Variants in PLVAP observed in about 807,000 individuals in gnomAD.
PLVAP encodes the protein plasmalemma vesicle-associated protein.
PLVAP carries 34 observed loss-of-function variants against 43.1 expected under a neutral mutation model. The observed-to-expected ratio is 0.79, with a 90% CI of 0.60 to 1.05. PLVAP has a LOEUF of 1.05. PLVAP is among the 50% of genes least tolerant of loss of function. The pLI, the probability that PLVAP is intolerant of heterozygous loss-of-function variation, is 0.00. For missense variants in PLVAP, 574 were observed against 593.4 expected (o/e 0.97, Z 0.34); for synonymous variants, 241 against 237.3 (o/e 1.02, Z -0.14).
chr19:17,356,913 C>T (rs928410617), intron 5 of PLVAP, among the ~76,000 whole-genome samples: 1 of 150,862 alleles, frequency 6.6e-6, no homozygotes, highest in Admixed American at 6.6e-5. Flanking sequence ...GAGCTGAGAT[C>T]GGGCCATTGC....
intron 3 of PLVAP, chr19:17,362,746 A>G (rs1476743441): frequency 6.6e-6 from 1 of 152,190 alleles, no homozygotes; most frequent in Non-Finnish European, 1.5e-5. Flanking sequence ...TTTTCTCACC[A>G]TCCAAATTCC....
At chr19:17,367,105 G>T (rs73016437) in intron 1 of PLVAP, among the ~76,000 whole-genome samples, 5,902 of 151,630 alleles carry the variant, frequency 0.039, 165 homozygotes, top group Non-Finnish European at 0.06. Flanking sequence ...ACCACTCCTG[G>T]CCAATTTTTT....
chr19:17,361,786 C>T (rs1218113859), intron 3 of PLVAP, among the ~76,000 whole-genome samples: 2 of 152,102 alleles, frequency 1.3e-5, no homozygotes, highest in Admixed American at 1.3e-4. Flanking sequence ...ATACCCGTTT[C>T]GGGCCAGGCG....
At chr19:17,374,966 A>G (rs928636927) in intron 1 of PLVAP, among the ~76,000 whole-genome samples, 1 of 151,996 alleles carries the variant, frequency 6.6e-6, no homozygotes, top group Non-Finnish European at 1.5e-5. Flanking sequence ...CTACAGGCAC[A>G]TACCACCATA....
At chr19:17,356,107 G>A (rs2074505602) in intron 5 of PLVAP, among the ~76,000 whole-genome samples, 3 of 152,082 alleles carry the variant, frequency 2.0e-5, no homozygotes, top group South Asian at 4.1e-4. Context: ...TCAGGAGTTC[G>A]AGACCAGCCT....
At chr19:17,353,555 G>T (rs1338299164) in intron 5 of PLVAP, among the ~76,000 whole-genome samples, 2 of 152,000 alleles carry the variant, frequency 1.3e-5, no homozygotes, top group Non-Finnish European at 2.9e-5. Context: ...AAACACACAA[G>T]GCACGGTCCC....
chr19:17,368,510 C>A (rs2145724571), intron 1 of PLVAP, among the ~76,000 whole-genome samples: 1 of 152,152 alleles, frequency 6.6e-6, no homozygotes, highest in South Asian at 2.1e-4. Context: ...CCTCTCCTGG[C>A]AGAAGTAGGG....
At chr19:17,366,478 T>C (rs2074550614) in intron 1 of PLVAP, among the ~76,000 whole-genome samples, 1 of 152,020 alleles carries the variant, frequency 6.6e-6, no homozygotes, top group African/African-American at 2.4e-5. Flanking sequence ...CAAAAATAAA[T>C]AAACAAAAAT....
intron 3 of PLVAP, among the ~76,000 whole-genome samples, chr19:17,361,687 A>C (rs1419610693): frequency 6.6e-6 from 1 of 152,172 alleles, no homozygotes; most frequent in African/African-American, 2.4e-5. Context: ...GCCTCAGCCT[A>C]AACCCAGTCC....
chr19:17,372,958 C>T (rs546487923), intron 1 of PLVAP, among the ~76,000 whole-genome samples: 182 of 143,062 alleles, frequency 1.3e-3, no homozygotes, highest in African/African-American at 4.6e-3. Flanking sequence ...CCCAGCTACT[C>T]GGGAGGCTAA....
In PLVAP at chr19:17,365,942, C is replaced by G; in HGVS notation, c.523G>C (p.Glu175Gln). The G allele has an allele frequency of 6.2e-7, 1 of 1,614,016 alleles. No individual in the cohort carries two copies. Among genetic ancestry groups the G allele is most frequent in the Non-Finnish European group, 8.5e-7 (1 of 1,180,008 alleles). ...TTATCCTTAGTGCAAATGGTCTTCT[C>G]CTTGGCTATCTCCACCTCCAGCGTC... The part of the protein sequence containing the change: ...VKTLEVEIAK[E>Q]KTICTKDKES... The change falls in exon 3 of 6, where the codon GAG becomes CAG. Residue 175 changes from glutamate to glutamine, a missense_variant. Coordinates refer to ENST00000252590, the MANE Select transcript of PLVAP (RefSeq NM_031310.3).
At chr19:17,370,652 G>C (rs1056920872) in intron 1 of PLVAP, among the ~76,000 whole-genome samples, 1 of 152,178 alleles carries the variant, frequency 6.6e-6, no homozygotes, top group Non-Finnish European at 1.5e-5. Flanking sequence ...GGAATGGGAA[G>C]TGACTGCTGA....
intron 5 of PLVAP, among the ~76,000 whole-genome samples, chr19:17,355,263 A>ATAATAATAAT (rs1457064966): frequency 7.0e-6 from 1 of 142,320 alleles, no homozygotes; most frequent in Non-Finnish European, 1.5e-5. Flanking sequence ...AATAATAATA[A>ATAATAATAAT]AATAAATAAT....
chr19:17,370,442 G>T (rs1599578145), intron 1 of PLVAP, among the ~76,000 whole-genome samples: 1 of 152,148 alleles, frequency 6.6e-6, no homozygotes, highest in South Asian at 2.1e-4. Context: ...TCCATACATA[G>T]AACATGATTC....
At chr19:17,358,369 A>G (rs551239065) in intron 5 of PLVAP, among the ~76,000 whole-genome samples, 37 of 152,138 alleles carry the variant, frequency 2.4e-4, no homozygotes, top group African/African-American at 7.2e-4. Flanking sequence ...CAGAAATCCC[A>G]TATTAGCCCT....
Position 17,360,802 on chromosome 19 carries a change from T to G in PLVAP, c.1210A>C (p.Met404Leu), listed in dbSNP as rs1599573310. Reference sequence around the variant, plus strand: ...GGCTGGGGGTTGGGGACAGGGCCCATGGGCCTTGACACTGGCATCATCGGC... The same window carrying G: ...GGCTGGGGGTTGGGGACAGGGCCCAGGGGCCTTGACACTGGCATCATCGGC... ...SQPMMPVSRPMGPVPNPQPID... is the reference protein window; with the variant it reads ...SQPMMPVSRPLGPVPNPQPID... The change falls in exon 4 of 6, where the codon ATG (methionine) becomes CTG (leucine). Residue 404 changes from methionine (M) to leucine (L), a missense_variant. Physicochemically the swap from Met to Leu is conservative, Grantham distance 15. Coordinates refer to ENST00000252590, the MANE Select transcript of PLVAP (RefSeq NM_031310.3). 6.2e-7 allele frequency: 1 copy of G among 1,613,832 alleles called. No individual in the cohort carries two copies. The highest frequency in any genetic ancestry group is 8.5e-7 in the Non-Finnish European group (1 of 1,179,882).
chr19:17,354,897 CAAA>C (rs35716757), intron 5 of PLVAP, among the ~76,000 whole-genome samples: 12 of 134,130 alleles, frequency 8.9e-5, no homozygotes, highest in Admixed American at 2.3e-4. Flanking sequence ...GACTCCGTCT[CAAA>C]AAAAAAAAAA....
intron 5 of PLVAP, among the ~76,000 whole-genome samples, chr19:17,357,432 G>A (rs1394711046): frequency 6.6e-6 from 1 of 152,094 alleles, no homozygotes; most frequent in Non-Finnish European, 1.5e-5. Context: ...GGAGGCCGAG[G>A]CAGGAAGATC....
Position 17,377,294 on chromosome 19 carries a change from C to A in PLVAP, c.-6G>T, listed in dbSNP as rs778839355. On this transcript the variant is annotated 5_prime_UTR_variant, in exon 1 of 6. Coordinates refer to ENST00000252590, the MANE Select transcript of PLVAP (RefSeq NM_031310.3). ...TGCTCCATGGCCAGACCCATTTGCT[C>A]GATCCCGCCGTCCGGTGCACCGTCC... The A allele has an allele frequency of 6.2e-7, 1 of 1,602,392 alleles. No individual in the cohort carries two copies.
Sources: gnomAD v4.1 joint callset for allele counts (sites outside exome capture counted in the v4.1 genomes callset) on GRCh38, gnomAD v4.1.1 for gene constraint, MANE v1.5 for transcripts, NCBI Gene and HGNC (gene_info 2026-07-23, HGNC 2026-07-21) for gene names.